PKHD1: variants seen among roughly 807,000 people sequenced by gnomAD.
PKHD1 encodes the protein fibrocystin.
Under a neutral mutation model 412.0 loss-of-function variants are expected in PKHD1, and 291 were observed. The observed-to-expected ratio is 0.71, with a 90% CI of 0.64 to 0.78. PKHD1 has a LOEUF of 0.78. Ranked by LOEUF, PKHD1 falls within the 30% of genes least tolerant of loss-of-function variation. The pLI is 0.00. For synonymous variants in PKHD1, 1,777 were observed against 1,821.5 expected (o/e 0.98, Z 0.62); for missense variants, 4,825 against 4,950.7 (o/e 0.97, Z 0.76).
intron 52 of PKHD1, among the ~76,000 whole-genome samples, chr6:51,801,652 T>TGAGA (rs1250289397): frequency 1.4e-5 from 2 of 143,198 alleles, no homozygotes; most frequent in African/African-American, 5.4e-5. Flanking sequence ...TGTGTGTGTG[T>TGAGA]GTGAGAGAGA....
At chr6:51,804,350 C>A (rs569496447) in intron 52 of PKHD1, among the ~76,000 whole-genome samples, 1 of 29,622 alleles carries the variant, frequency 3.4e-5, no homozygotes, top group African/African-American at 1.7e-4. Flanking sequence ...TAGAGAAATA[C>A]TAATTCATTG....
intron 14 of PKHD1, among the ~76,000 whole-genome samples, chr6:52,060,636 A>C (rs1808533392): frequency 6.6e-6 from 1 of 152,162 alleles, no homozygotes; most frequent in African/African-American, 2.4e-5. Flanking sequence ...CAGCAACCTA[A>C]TATTATAGGC....
At chr6:52,031,699 C>CATCA (rs914672270) in intron 29 of PKHD1, among the ~76,000 whole-genome samples, 14 of 152,282 alleles carry the variant, frequency 9.2e-5, no homozygotes, top group African/African-American at 3.4e-4. Flanking sequence ...GCCTCACGGT[C>CATCA]ATCATCAACA....
At chr6:51,947,323 T>G (rs1789615735) in intron 36 of PKHD1, among the ~76,000 whole-genome samples, 1 of 152,242 alleles carries the variant, frequency 6.6e-6, no homozygotes, top group Admixed American at 6.5e-5. Flanking sequence ...GTTTCTATAC[T>G]TCTATCAAAT....
intron 60 of PKHD1, among the ~76,000 whole-genome samples, chr6:51,697,135 G>A (rs754994923): frequency 4.6e-5 from 7 of 152,156 alleles, no homozygotes; most frequent in South Asian, 2.1e-4. Context: ...ACGTGAGATC[G>A]TACCACTGCA....
At chr6:52,035,537 A>G (rs1803805791) in intron 28 of PKHD1, 54 bp downstream of exon 28, 3 of 1,522,310 alleles carry the variant, frequency 2.0e-6, no homozygotes, top group Admixed American at 3.3e-5. Flanking sequence ...AAAATGTTAT[A>G]TTAACAGTGG....
At chr6:51,623,523 G>T (rs1303830528) in intron 66 of PKHD1, among the ~76,000 whole-genome samples, 1 of 151,978 alleles carries the variant, frequency 6.6e-6, no homozygotes, top group East Asian at 1.9e-4. Context: ...TCTTAAAAAA[G>T]CATATCATCT....
intron 35 of PKHD1, among the ~76,000 whole-genome samples, chr6:52,000,789 T>C (rs560730760): frequency 1.3e-5 from 2 of 152,288 alleles, no homozygotes; most frequent in Non-Finnish European, 2.9e-5. Context: ...AGCCAAAATA[T>C]GACAAACACT....
intron 37 of PKHD1, among the ~76,000 whole-genome samples, chr6:51,920,981 T>C (rs1256716943): frequency 3.9e-5 from 6 of 152,206 alleles, no homozygotes. Context: ...CCCTTTATCA[T>C]TTTTTATTGT....
At position 51,659,541 on chromosome 6, in the gene PKHD1, C is replaced by A; in HGVS notation, c.10585G>T (p.Glu3529Ter). 4 of 1,613,660 alleles carry A rather than the reference C, an allele frequency of 2.5e-6. No homozygotes were observed. Among genetic ancestry groups the A allele is most frequent in the South Asian group, 1.1e-5 (1 of 91,066 alleles). ...LVQSASLLLN[E>*]SIGANYFNIM... ...TTGAAATAGTTGGCACCAATAGATT[C>A]ATTCAGCAATAAGGAAGCTGACTGA... is the stretch of plus-strand genomic sequence containing the variant. Residue 3529 changes from glutamate (E) to a stop codon, truncating the protein, a stop_gained, in exon 61 of 67, where the codon GAA becomes TAA. Transcript: ENST00000371117. LOFTEE classifies it high-confidence loss of function.
chr6:51,718,131 G>A lies in PKHD1; in HGVS notation c.10156+26254C>T, dbSNP rs143391594. ...AAGACAAAACAATTTTTTAATATAC[G>A]TAATGGATCAATCTTTTCTGTTGGA... On this transcript the variant is annotated intron_variant, in intron 60 of 66. Transcript: ENST00000371117. Among the ~76,000 whole-genome samples, 286 of 152,280 alleles carry A rather than the reference G, an allele frequency of 1.9e-3. 3 individuals carry two copies. The highest frequency in any genetic ancestry group is 6.5e-3 in the African/African-American group (269 of 41,572).
Position 52,065,156 on chromosome 6 carries a change from T to G in PKHD1, c.881-106A>C, listed in dbSNP as rs865857999. On this transcript the variant is annotated intron_variant, in intron 12 of 66. Coordinates refer to ENST00000371117, the MANE Select transcript of PKHD1 (RefSeq NM_138694.4). ...AATTATATATATATATATATATATATATATATATATATAGAGAGAGAGAGA... is the reference window on the plus strand; with the variant it reads ...AATTATATATATATATATATATATAGATATATATATATAGAGAGAGAGAGA... 0.02 allele frequency: 1,530 copies of G among 75,856 alleles called. 11 individuals are homozygous for G. The highest frequency in any genetic ancestry group is 0.041 in the African/African-American group (588 of 14,172). The allele number at this position is 75,856 out of a possible 1,614,324, so 4.7% of individuals were successfully genotyped here. A position where few individuals can be genotyped will look rare whatever the true frequency, so the allele number is the denominator to read the frequency against.
intron 63 of PKHD1, among the ~76,000 whole-genome samples, chr6:51,640,123 A>G (rs983858446): frequency 6.6e-6 from 1 of 152,256 alleles, no homozygotes; most frequent in Non-Finnish European, 1.5e-5. Context: ...ATTATGGTCA[A>G]TAAACTCTTG....
intron 5 of PKHD1, among the ~76,000 whole-genome samples, chr6:52,077,422 C>T (rs1039567609): frequency 6.6e-6 from 1 of 152,142 alleles, no homozygotes; most frequent in Non-Finnish European, 1.5e-5. Context: ...TCCCCCAATC[C>T]CTTCTAGATG....
At position 52,022,763 on chromosome 6, in the gene PKHD1, T is replaced by C. The variant is rs376854013; in HGVS notation, c.5380+38A>G. The C allele has an allele frequency of 5.1e-4, 818 of 1,602,942 alleles. 1 individual carries two copies. Among genetic ancestry groups the C allele is most frequent in the Non-Finnish European group, 6.8e-4 (793 of 1,170,196 alleles). On this transcript the variant is annotated intron_variant, in intron 33 of 66. Coordinates refer to ENST00000371117, the MANE Select transcript of PKHD1 (RefSeq NM_138694.4). The stretch of plus-strand genomic sequence containing the variant: ...AACCAAAGAATATCATTTCCATATA[T>C]ATGCTTTAAAATATATGTGTGTGGC...
chr6:52,026,728 G>T (rs777348970), intron 31 of PKHD1, among the ~76,000 whole-genome samples: 2 of 151,518 alleles, frequency 1.3e-5, no homozygotes, highest in Non-Finnish European at 2.9e-5. Flanking sequence ...TTCCATATAC[G>T]TGAGAGACAT....
intron 60 of PKHD1, among the ~76,000 whole-genome samples, chr6:51,664,340 G>C (rs1482407555): frequency 6.6e-6 from 1 of 152,126 alleles, no homozygotes; most frequent in Non-Finnish European, 1.5e-5. Flanking sequence ...GAGACAGAGG[G>C]AGAAAAGGGT....
chr6:51,937,568 T>G (rs1787709114), intron 36 of PKHD1, among the ~76,000 whole-genome samples: 1 of 152,198 alleles, frequency 6.6e-6, no homozygotes, highest in South Asian at 2.1e-4. Flanking sequence ...TCAGCTCCTT[T>G]CCTCAAGACT....
At chr6:51,677,962 T>C (rs1441967925) in intron 60 of PKHD1, among the ~76,000 whole-genome samples, 1 of 152,190 alleles carries the variant, frequency 6.6e-6, no homozygotes, top group Non-Finnish European at 1.5e-5. Flanking sequence ...AATGTCATCA[T>C]CTATACATTG....
Sources: gnomAD v4.1 joint callset for allele counts (sites outside exome capture counted in the v4.1 genomes callset) on GRCh38, gnomAD v4.1.1 for gene constraint, MANE v1.5 for transcripts, NCBI Gene and HGNC (gene_info 2026-07-23, HGNC 2026-07-21) for gene names.